Variants in CTRC observed in about 807,000 individuals in gnomAD.
The protein encoded by CTRC is chymotrypsin C, also known as chymotrypsin-C.
A neutral mutation model predicts 35.7 loss-of-function variants in CTRC; 32 were observed. The ratio of observed to expected loss-of-function variants is 0.90; its 90% CI spans 0.68 to 1.20. CTRC has a LOEUF of 1.20. CTRC is among the 50% of genes most tolerant of loss of function. The pLI is 0.00. For synonymous variants in CTRC, 119 were observed against 149.5 expected (o/e 0.80, Z 1.49); for missense variants, 324 against 361.5 (o/e 0.90, Z 0.84).
At position 15,448,012 on chromosome 1, in the gene CTRC, C is replaced by A. The variant is rs1187348041; in HGVS notation, c.*1423C>A. 1 of 152,166 alleles carries A rather than the reference C, an allele frequency of 6.6e-6. No homozygotes were observed. Among genetic ancestry groups the A allele is most frequent in the Non-Finnish European group, 1.5e-5 (1 of 68,040 alleles). The allele number at this position is 152,166 out of a possible 1,614,324, so 9.4% of individuals were successfully genotyped here. A position where few individuals can be genotyped will look rare whatever the true frequency, so the allele number is the denominator to read the frequency against. On this transcript the variant is annotated 3_prime_UTR_variant, in exon 8 of 8. Coordinates refer to ENST00000375949, the MANE Select transcript of CTRC (RefSeq NM_007272.3). The stretch of plus-strand genomic sequence containing the variant: ...AGACCAGAAGCATAGAAACAGGACA[C>A]CTGAAGCAGTGTCAGTTGGCGGGAG...
rs1009392365 is a variant in CTRC at position 15,442,374 on chromosome 1, C to A, written c.231-73C>A. On this transcript the variant is annotated intron_variant, in intron 3 of 7. Transcript: ENST00000375949. Reference sequence around the variant, plus strand: ...CCCAAAATGAGTCCCACTAAAGCCCCGAGCTCCCTCTCTATCCCACTGGCT... The same window carrying A: ...CCCAAAATGAGTCCCACTAAAGCCCAGAGCTCCCTCTCTATCCCACTGGCT... 3 of 1,546,970 alleles carry A rather than the reference C, an allele frequency of 1.9e-6. No individual in the cohort carries two copies. The Admixed American group carries it at 5.9e-5, about 30-fold the overall frequency.
At chr1:15,443,164 C>T (rs1345193651) in intron 4 of CTRC, among the ~76,000 whole-genome samples, 5 of 152,228 alleles carry the variant, frequency 3.3e-5, no homozygotes, top group Non-Finnish European at 5.9e-5. Flanking sequence ...CCACTCTCAC[C>T]TCCCTCTGTT....
chr1:15,445,148 G>A (rs1226423529), intron 6 of CTRC, among the ~76,000 whole-genome samples: 1 of 152,148 alleles, frequency 6.6e-6, no homozygotes, highest in African/African-American at 2.4e-5. Flanking sequence ...CCAGTCCAGG[G>A]AGACCAGAAC....
chr1:15,444,672 C>T lies in CTRC; in HGVS notation c.560C>T (p.Ser187Phe). 6.2e-7 allele frequency: 1 copy of T among 1,614,180 alleles called. No homozygotes were observed. The highest frequency in any genetic ancestry group is 8.5e-7 in the Non-Finnish European group (1 of 1,180,026). Reference sequence around the variant, plus strand: ...CCCGTGGTGGATCACGCCACGTGCTCCAGGATTGACTGGTGGGGCTTCAGG... The same window carrying T: ...CCCGTGGTGGATCACGCCACGTGCTTCAGGATTGACTGGTGGGGCTTCAGG... ...LQPVVDHATC[S>F]RIDWWGFRVK... The change falls in exon 6 of 8, where the codon TCC (serine) becomes TTC (phenylalanine). Residue 187 changes from serine (S) to phenylalanine (F), a missense_variant. Transcript: ENST00000375949.
chr1:15,441,859 T>TTTTG (rs769986068), intron 3 of CTRC, among the ~76,000 whole-genome samples: 7 of 151,990 alleles, frequency 4.6e-5, no homozygotes, highest in East Asian at 1.9e-4. Context: ...TCTTCTTGTT[T>TTTTG]TTTGTTTGTT....
chr1:15,443,017 G>T (rs921204482), intron 4 of CTRC, among the ~76,000 whole-genome samples: 1 of 152,180 alleles, frequency 6.6e-6, no homozygotes, highest in African/African-American at 2.4e-5. Flanking sequence ...GTCTGACTGG[G>T]CCGGCCAGCT....
rs760649717 is a variant in CTRC, at chr1:15,442,493, G to C, written c.277G>C (p.Val93Leu). ...RVAVGKNNLE[V>L]EDEEGSLFVG... ...GGCCGTGGGAAAGAACAACCTGGAG[G>C]TGGAAGACGAAGAAGGATCCCTGTT... Residue 93 changes from valine to leucine, a missense_variant, in exon 4 of 8, where the codon GTG (valine) becomes CTG (leucine). Transcript: ENST00000375949. 8 of 1,614,078 alleles carry C rather than the reference G, an allele frequency of 5.0e-6. No individual in the cohort carries two copies. The African/African-American group carries it at 1.1e-4, about 22-fold the overall frequency.
At chr1:15,445,459 T>C (rs2103292904) in intron 6 of CTRC, 138 bp from the exon 7 acceptor site, 1 of 817,284 alleles carries the variant, frequency 1.2e-6, no homozygotes, top group Non-Finnish European at 2.0e-6. Context: ...TCCCTCACCA[T>C]GGGCAGGCTG....
intron 1 of CTRC, 26 bp from the exon 2 acceptor site, chr1:15,440,274 G>C: frequency 7.4e-7 from 1 of 1,345,682 alleles, no homozygotes; most frequent in East Asian, 3.7e-5. Context: ...CTATTCACTG[G>C]TTCTTCTGGC....
At position 15,442,562 on chromosome 1, in the gene CTRC, C is replaced by T. The variant is rs1390592583; in HGVS notation, c.346C>T (p.Leu116Phe). 2 of 1,614,048 alleles carry T rather than the reference C, an allele frequency of 1.2e-6. No individual in the cohort carries two copies. The highest frequency in any genetic ancestry group is 2.2e-5 in the South Asian group (2 of 91,072). The change falls in exon 4 of 8, where the codon CTC becomes TTC. Residue 116 changes from leucine to phenylalanine, a missense_variant. By Grantham distance (22) the Leu-to-Phe change is conservative. Transcript: ENST00000375949. ...TIHVHKRWNA[L>F]LLRNDIALIK... ...CCACGTCCACAAGAGATGGAATGCC[C>T]TCCTGTTGCGGTGAGTGACAGACTG...
At position 15,442,589 on chromosome 1, in the gene CTRC, C is replaced by G. The variant is rs376786664; in HGVS notation, c.356+17C>G. On this transcript the variant is annotated intron_variant, in intron 4 of 7. Coordinates refer to ENST00000375949, the MANE Select transcript of CTRC (RefSeq NM_007272.3). ...CCTGTTGCGGTGAGTGACAGACTGC[C>G]CATCCCACAGCCACTGGGGGCAGTG... is the stretch of plus-strand genomic sequence containing the variant. 93 of 1,613,622 alleles carry G rather than the reference C, an allele frequency of 5.8e-5. No homozygotes were observed. Among genetic ancestry groups the G allele is most frequent in the Admixed American group, 1.0e-4 (6 of 59,992 alleles).
rs1038284257 is a variant in CTRC at position 15,447,644 on chromosome 1, T to C, written c.*1055T>C. On this transcript the variant is annotated 3_prime_UTR_variant, in exon 8 of 8. Transcript: ENST00000375949. The stretch of plus-strand genomic sequence containing the variant: ...GATAGGGGCCTCTGGCCTGGCCTGC[T>C]CCTGGGAATGTCCTGTTCTGTGGGG... The C allele has an allele frequency of 6.6e-6, 1 of 152,594 alleles. No individual in the cohort carries two copies. Among genetic ancestry groups the C allele is most frequent in the Non-Finnish European group, 1.5e-5 (1 of 68,346 alleles). 9.5% of individuals were successfully genotyped at this position (152,594 alleles called of 1,614,324 possible).
chr1:15,440,243 T>G, intron 1 of CTRC, 57 bp from the exon 2 acceptor site: 1 of 165,202 alleles, frequency 6.1e-6, no homozygotes. Flanking sequence ...CTCCCACCCC[T>G]TTCCCCGTGG....
chr1:15,445,632 G>A lies in CTRC; in HGVS notation c.675G>A (p.Glu225=), dbSNP rs1158560990. The A allele has an allele frequency of 2.5e-6, 4 of 1,614,220 alleles. No homozygotes were observed. The highest frequency in any genetic ancestry group is 2.5e-6 in the Non-Finnish European group (3 of 1,180,032). Residue 225 remains glutamate (E), a synonymous_variant, in exon 7 of 8, where the codon GAG becomes GAA. Coordinates refer to ENST00000375949, the MANE Select transcript of CTRC (RefSeq NM_007272.3). ...GTGGCCCACTGAACTGCCAGTTGGAGAACGGTTCCTGGGAGGTGTTTGGCA... is the reference window on the plus strand; with the variant it reads ...GTGGCCCACTGAACTGCCAGTTGGAAAACGGTTCCTGGGAGGTGTTTGGCA... ...DSGGPLNCQL[E]NGSWEVFGIV...
At position 15,445,509 on chromosome 1, in the gene CTRC, C is replaced by T. The variant is rs867823067; in HGVS notation, c.640-88C>T. 5 of 1,433,866 alleles carry T rather than the reference C, an allele frequency of 3.5e-6. No homozygotes were observed. The Admixed American group carries it at 5.1e-5, about 15-fold the overall frequency. 88.8% of individuals were successfully genotyped at this position (1,433,866 alleles called of 1,614,324 possible). A position where few individuals can be genotyped will look rare whatever the true frequency, so the allele number is the denominator to read the frequency against. On this transcript the variant is annotated intron_variant, in intron 6 of 7. Transcript: ENST00000375949. ...CACTAACTAAGGCTGAGAAGCCAAC[C>T]CACATCCCCCACCCCAACCCAGTCC...
Position 15,443,512 on chromosome 1 carries a change from C to T in CTRC, c.450C>T (p.Pro150=), listed in dbSNP as rs1303090448. The T allele has an allele frequency of 1.9e-6, 3 of 1,614,108 alleles. No homozygotes were observed. In the African/African-American group the frequency reaches 4.0e-5, roughly 22 times the overall value. Residue 150 remains proline (P), a synonymous_variant, in exon 5 of 8, where the codon CCC becomes CCT. Coordinates refer to ENST00000375949, the MANE Select transcript of CTRC (RefSeq NM_007272.3). ...TGCCAGAGAAGGACTCCCTGCTCCC[C>T]AAGGACTACCCCTGCTATGTCACCG... is the stretch of plus-strand genomic sequence containing the variant. The part of the protein sequence containing the change: ...ACLPEKDSLL[P]KDYPCYVTGW...
At position 15,444,640 on chromosome 1, in the gene CTRC, C is replaced by T. The variant is rs1213379136; in HGVS notation, c.528C>T (p.Gly176=). The change falls in exon 6 of 8, where the codon GGC becomes GGT. Residue 176 remains glycine, a synonymous_variant. Transcript: ENST00000375949. ...CCATTGCTGATAAGCTGCAGCAGGG[C>T]CTGCAGCCCGTGGTGGATCACGCCA... ...NGPIADKLQQ[G]LQPVVDHATC... is the part of the protein sequence containing the mutation. 6 of 1,614,082 alleles carry T rather than the reference C, an allele frequency of 3.7e-6. No individual in the cohort carries two copies. The Admixed American group carries it at 1.0e-4, about 27-fold the overall frequency.
At chr1:15,440,437 G>T (rs755134647) in intron 2 of CTRC, 46 bp downstream of exon 2, 2 of 1,612,296 alleles carry the variant, frequency 1.2e-6, no homozygotes, top group African/African-American at 2.7e-5. Context: ...AGGGTGGCGG[G>T]GTGAGGGTCC....
At chr1:15,440,226 G>GGCCCCCCCCCCCCCCCCCCCCCC in intron 1 of CTRC, 74 bp from the exon 2 acceptor site, 2 of 523,580 alleles carry the variant, frequency 3.8e-6, no homozygotes, top group East Asian at 3.8e-5. Context: ...TCTTCCACCT[G>GGCCCCCCCCCCCCCCCCCCCCCC]CCCACCCTCC....
Sources: allele counts gnomAD v4.1 joint callset (sites outside exome capture counted in the v4.1 genomes callset), GRCh38; gene constraint gnomAD v4.1.1; transcripts MANE v1.5; gene names NCBI Gene and HGNC (gene_info 2026-07-23, HGNC 2026-07-21).